The following PAH variants were observed in gnomAD, a reference collection of about 807,000 sequenced individuals.
The protein encoded by PAH is phenylalanine hydroxylase.
A neutral mutation model predicts 62.0 loss-of-function variants in PAH; 64 were observed. The ratio of observed to expected loss-of-function variants is 1.03; its 90% CI spans 0.84 to 1.27. The LOEUF (loss-of-function observed/expected upper bound fraction) is 1.27, where lower values mean the gene tolerates loss of function less well. PAH is among the 50% of genes most tolerant of loss of function. The probability of loss-of-function intolerance (pLI) is 0.00; values close to 1 mark genes in which losing one functional copy is unlikely to be tolerated. For missense variants in PAH, 579 were observed against 542.8 expected (o/e 1.07, Z -0.66); for synonymous variants, 195 against 196.2 (o/e 0.99, Z 0.05).
chr12:102,893,310 G>A (rs534405569), intron 3 of PAH, among the ~76,000 whole-genome samples: 18 of 152,252 alleles, frequency 1.2e-4, no homozygotes, highest in African/African-American at 3.6e-4. Context: ...TGAGGCAGGA[G>A]AATTGCCTGA....
chr12:102,862,290 T>A (rs1333022757), intron 5 of PAH, among the ~76,000 whole-genome samples: 1 of 152,052 alleles, frequency 6.6e-6, no homozygotes, highest in Non-Finnish European at 1.5e-5. Flanking sequence ...CTTAGCAAAC[T>A]AATGGAAGAG....
At chr12:102,948,937 T>C (rs557917741) in intron 1 of PAH, among the ~76,000 whole-genome samples, 1 of 152,232 alleles carries the variant, frequency 6.6e-6, no homozygotes, top group East Asian at 1.9e-4. Context: ...AACCAAATTG[T>C]ATGGAGAAGA....
chr12:102,838,954 T>C lies in PAH; in HGVS notation c.*221A>G, dbSNP rs1874472385. 1.7e-6 allele frequency: 1 copy of C among 579,662 alleles called. No individual in the cohort carries two copies. Among genetic ancestry groups the C allele is most frequent in the Non-Finnish European group, 3.1e-6 (1 of 325,392 alleles). The allele number at this position is 579,662 out of a possible 1,614,324, so 35.9% of individuals were successfully genotyped here. On this transcript the variant is annotated 3_prime_UTR_variant, in exon 13 of 13. Transcript: ENST00000553106. Reference sequence around the variant, plus strand: ...AGAGTATGGGATTATCATCTCTAAATCAAAGATGACCCCAAAAGATTTACC... The same window carrying C: ...AGAGTATGGGATTATCATCTCTAAACCAAAGATGACCCCAAAAGATTTACC...
chr12:102,855,111 G>C (rs1875350205), intron 6 of PAH, 25 bp downstream of exon 6: 2 of 1,589,492 alleles, frequency 1.3e-6, no homozygotes, highest in African/African-American at 1.3e-5. Context: ...TTTCTGCAGG[G>C]CCATTGACCC....
chr12:102,853,246 G>A, intron 6 of PAH: 1 of 406,502 alleles, frequency 2.5e-6, no homozygotes, highest in Non-Finnish European at 4.6e-6. Flanking sequence ...ACAGAGCCTA[G>A]CACATTGGAA....
At chr12:102,865,075 T>C (rs1372735770) in intron 5 of PAH, among the ~76,000 whole-genome samples, 1 of 152,194 alleles carries the variant, frequency 6.6e-6, no homozygotes, top group Non-Finnish European at 1.5e-5. Context: ...CAGCTATCTA[T>C]AGATGATTTT....
At chr12:102,890,374 G>A (rs1424601132) in intron 3 of PAH, among the ~76,000 whole-genome samples, 1 of 152,136 alleles carries the variant, frequency 6.6e-6, no homozygotes, top group Non-Finnish European at 1.5e-5. Flanking sequence ...CTATAGAAAG[G>A]GCAACTTTGC....
chr12:102,952,488 G>A (rs756462370), upstream of PAH, among the ~76,000 whole-genome samples: 1 of 152,098 alleles, frequency 6.6e-6, no homozygotes, highest in Admixed American at 6.5e-5. Context: ...AAAATAGAGT[G>A]TAACAAATCC....
At chr12:102,949,471 TCAAC>T in intron 1 of PAH, among the ~76,000 whole-genome samples, 1 of 152,330 alleles carries the variant, frequency 6.6e-6, no homozygotes, top group African/African-American at 2.4e-5. Context: ...GGCATCTTAC[TCAAC>T]CCTCTCATTT....
At chr12:102,948,395 C>A (rs1051825836) in intron 1 of PAH, among the ~76,000 whole-genome samples, 1 of 152,004 alleles carries the variant, frequency 6.6e-6, no homozygotes, top group Non-Finnish European at 1.5e-5. Context: ...AAGACAAAGC[C>A]CAAGATGCAG....
At chr12:102,916,067 G>T (rs140330944) in intron 1 of PAH, among the ~76,000 whole-genome samples, 86 of 152,146 alleles carry the variant, frequency 5.7e-4, no homozygotes, top group African/African-American at 2.0e-3. Context: ...CCTGTTCTGG[G>T]ATCACTCTGA....
chr12:102,941,026 C>A (rs1199412803), intron 1 of PAH, among the ~76,000 whole-genome samples: 1 of 152,106 alleles, frequency 6.6e-6, no homozygotes, highest in South Asian at 2.1e-4. Context: ...ATTCAGCATT[C>A]CTAAAGAAAA....
intron 2 of PAH, among the ~76,000 whole-genome samples, chr12:102,912,152 A>G (rs919318730): frequency 6.6e-6 from 1 of 152,224 alleles, no homozygotes; most frequent in East Asian, 1.9e-4. Flanking sequence ...AATTAGTTTT[A>G]TAGACTCTAA....
chr12:102,928,969 T>C (rs185856354), intron 1 of PAH, among the ~76,000 whole-genome samples: 1 of 152,206 alleles, frequency 6.6e-6, no homozygotes, highest in Non-Finnish European at 1.5e-5. Flanking sequence ...ACCACCCAAA[T>C]TGGGGCGTTC....
Position 102,916,873 on chromosome 12 carries a change from C to T in PAH, c.60+198G>A, listed in dbSNP as rs74517285. ...GGTCATTCATTCCTGTGAAAGCCAC[C>T]GAGGACAGATGTTCTCCTACTTAGA... is the stretch of plus-strand genomic sequence containing the variant. On this transcript the variant is annotated intron_variant, in intron 1 of 12. Coordinates refer to ENST00000553106, the MANE Select transcript of PAH (RefSeq NM_000277.3). Among the ~76,000 whole-genome samples the T allele has an allele frequency of 7.4e-3, 1,125 of 151,652 alleles. 6 individuals are homozygous for T. The highest frequency in any genetic ancestry group is 0.01 in the Non-Finnish European group (697 of 67,998).
intron 1 of PAH, among the ~76,000 whole-genome samples, chr12:102,933,042 T>C (rs73393580): frequency 0.032 from 4,809 of 152,236 alleles, 265 homozygotes; most frequent in African/African-American, 0.11. Context: ...CTATAGTCAC[T>C]CTGTTGTGCT....
rs1053108464 is a variant in PAH at position 102,906,336 on chromosome 12, C to T, written c.168+6455G>A. On this transcript the variant is annotated intron_variant, in intron 2 of 12. Coordinates refer to ENST00000553106, the MANE Select transcript of PAH (RefSeq NM_000277.3). ...TAAAACTAAAAATGTCCATATCCTA[C>T]GACCAGATTCCACTTCTAGGTATCT... 5.3e-5 allele frequency among the ~76,000 whole-genome samples: 8 copies of T among 152,184 alleles called. No homozygotes were observed. In the East Asian group the frequency reaches 1.4e-3, roughly 26 times the overall value.
At chr12:102,848,861 G>T (rs1319945305) in intron 8 of PAH, among the ~76,000 whole-genome samples, 1 of 131,108 alleles carries the variant, frequency 7.6e-6, no homozygotes, top group East Asian at 2.4e-4. Flanking sequence ...GAGGGTTAAA[G>T]GGACACCAGG....
chr12:102,910,923 A>G (rs1878178646), intron 2 of PAH, among the ~76,000 whole-genome samples: 1 of 151,414 alleles, frequency 6.6e-6, no homozygotes, highest in African/African-American at 2.4e-5. Context: ...CTTTGGGGGG[A>G]AGTTTATATT....
Sources: allele counts gnomAD v4.1 joint callset (sites outside exome capture counted in the v4.1 genomes callset), GRCh38; gene constraint gnomAD v4.1.1; transcripts MANE v1.5; gene names NCBI Gene and HGNC (gene_info 2026-07-23, HGNC 2026-07-21).